Variants in MAGI1 observed in about 807,000 individuals in gnomAD.
The protein encoded by MAGI1 is membrane associated guanylate kinase, WW and PDZ domain containing 1, also known as membrane-associated guanylate kinase, WW and PDZ domain-containing protein 1.
MAGI1 carries 58 observed loss-of-function variants against 139.9 expected under a neutral mutation model. That is an observed-to-expected ratio of 0.41 (90% CI 0.34 to 0.52). The LOEUF (loss-of-function observed/expected upper bound fraction) is 0.52, where lower values mean the gene tolerates loss of function less well. MAGI1 is among the 20% of genes least tolerant of loss of function. MAGI1 has a pLI of 0.12. For synonymous variants in MAGI1, 812 were observed against 737.9 expected (o/e 1.10, Z -1.63); for missense variants, 1,874 against 1,901.6 (o/e 0.99, Z 0.27).
At chr3:65,605,903 C>T (rs1018073743) in intron 2 of MAGI1, among the ~76,000 whole-genome samples, 8 of 152,166 alleles carry the variant, frequency 5.3e-5, no homozygotes, top group African/African-American at 1.7e-4. Flanking sequence ...AGAGGAGATC[C>T]GGCGAGTCCT....
chr3:65,395,492 A>G, intron 13 of MAGI1, among the ~76,000 whole-genome samples: 1 of 151,104 alleles, frequency 6.6e-6, no homozygotes. Context: ...AAATACAAAA[A>G]TTACCCAGGT....
chr3:66,001,475 C>T (rs1266100187), intron 1 of MAGI1, among the ~76,000 whole-genome samples: 1 of 152,174 alleles, frequency 6.6e-6, no homozygotes, highest in African/African-American at 2.4e-5. Context: ...GTATCAGCCT[C>T]ACAGGACTCA....
intron 1 of MAGI1, among the ~76,000 whole-genome samples, chr3:65,646,068 A>C (rs937991235): frequency 2.5e-4 from 38 of 152,130 alleles, no homozygotes; most frequent in African/African-American, 9.2e-4. Flanking sequence ...AATTACATGA[A>C]GTGTAAATCA....
chr3:65,365,768 G>A (rs1460872468), intron 18 of MAGI1, among the ~76,000 whole-genome samples: 2 of 152,160 alleles, frequency 1.3e-5, no homozygotes, highest in African/African-American at 4.8e-5. Flanking sequence ...GAAGTTACCA[G>A]GAGACCTATG....
chr3:65,494,655 A>T (rs1399006259), intron 2 of MAGI1, among the ~76,000 whole-genome samples: 1 of 152,202 alleles, frequency 6.6e-6, no homozygotes, highest in Non-Finnish European at 1.5e-5. Context: ...ATAATAAGCA[A>T]CGATATTTCC....
chr3:65,576,128 ACTTT>A, intron 2 of MAGI1, among the ~76,000 whole-genome samples: 1 of 152,206 alleles, frequency 6.6e-6, no homozygotes, highest in Non-Finnish European at 1.5e-5. Flanking sequence ...TTTTCTAATT[ACTTT>A]ATGTATATAT....
At chr3:65,678,323 T>TA (rs1317215815) in intron 1 of MAGI1, among the ~76,000 whole-genome samples, 7 of 144,294 alleles carry the variant, frequency 4.9e-5, no homozygotes, top group African/African-American at 1.8e-4. Flanking sequence ...AGTATAATGA[T>TA]AAAAAAAGAA....
intron 4 of MAGI1, among the ~76,000 whole-genome samples, chr3:65,477,582 A>C (rs1328829157): frequency 6.6e-6 from 1 of 152,184 alleles, no homozygotes; most frequent in Non-Finnish European, 1.5e-5. Context: ...AGTTACTCCT[A>C]TCTTACTCAG....
chr3:65,984,389 T>G (rs2065760024), intron 1 of MAGI1, among the ~76,000 whole-genome samples: 1 of 152,208 alleles, frequency 6.6e-6, no homozygotes. Context: ...ACCATTTATT[T>G]ATTAAAAATT....
At chr3:65,375,187 CTT>C (rs5849664) in intron 18 of MAGI1, among the ~76,000 whole-genome samples, 76 of 133,020 alleles carry the variant, frequency 5.7e-4, no homozygotes, top group Admixed American at 6.8e-4. Flanking sequence ...TTTTCTGAAA[CTT>C]TTTTTTTTTT....
chr3:65,609,278 T>C (rs538073967), intron 2 of MAGI1, among the ~76,000 whole-genome samples: 25 of 146,632 alleles, frequency 1.7e-4, no homozygotes, highest in Admixed American at 5.4e-4. Flanking sequence ...CTCTCTCTCT[T>C]TTTTTTGTTT....
At chr3:65,904,094 A>C (rs2061343856) in intron 1 of MAGI1, among the ~76,000 whole-genome samples, 1 of 152,208 alleles carries the variant, frequency 6.6e-6, no homozygotes, top group Admixed American at 6.5e-5. Flanking sequence ...CAGACTACTT[A>C]ATCTTTGAGG....
intron 1 of MAGI1, among the ~76,000 whole-genome samples, chr3:65,884,203 C>T (rs1014177674): frequency 2.0e-5 from 3 of 152,134 alleles, no homozygotes; most frequent in African/African-American, 4.8e-5. Context: ...AAAACACGTC[C>T]GAATAAAGCC....
chr3:65,456,265 C>A (rs1369477293), intron 5 of MAGI1, among the ~76,000 whole-genome samples: 1 of 152,122 alleles, frequency 6.6e-6, no homozygotes, highest in African/African-American at 2.4e-5. Context: ...TAATTTTTTC[C>A]CTAGGGCTGA....
chr3:65,907,191 T>C (rs892440543), intron 1 of MAGI1, among the ~76,000 whole-genome samples: 2 of 152,318 alleles, frequency 1.3e-5, no homozygotes, highest in East Asian at 3.9e-4. Context: ...GCTAAAAATA[T>C]TACTGCTTAA....
chr3:65,593,359 A>G (rs1316826117), intron 2 of MAGI1, among the ~76,000 whole-genome samples: 1 of 152,194 alleles, frequency 6.6e-6, no homozygotes, highest in Non-Finnish European at 1.5e-5. Flanking sequence ...AAATATACCC[A>G]GTGCAATAAT....
intron 2 of MAGI1, among the ~76,000 whole-genome samples, chr3:65,543,525 G>C (rs2079348500): frequency 6.6e-6 from 1 of 152,148 alleles, no homozygotes; most frequent in Admixed American, 6.5e-5. Flanking sequence ...TGATAGACTG[G>C]ATAAAGAAAA....
At chr3:65,530,349 C>G (rs931159340) in intron 2 of MAGI1, among the ~76,000 whole-genome samples, 2 of 152,024 alleles carry the variant, frequency 1.3e-5, no homozygotes. Flanking sequence ...CCATATAGCA[C>G]AGTGGCTAAA....
intron 2 of MAGI1, among the ~76,000 whole-genome samples, chr3:65,571,430 T>C (rs1409226550): frequency 6.6e-6 from 1 of 152,068 alleles, no homozygotes; most frequent in Admixed American, 6.6e-5. Flanking sequence ...GTGTTATTTA[T>C]AAAAGGATCC....
Sources: gnomAD v4.1 joint callset for allele counts (sites outside exome capture counted in the v4.1 genomes callset) on GRCh38, gnomAD v4.1.1 for gene constraint, MANE v1.5 for transcripts, NCBI Gene and HGNC (gene_info 2026-07-23, HGNC 2026-07-21) for gene names.